Variants in ARHGAP42 observed in about 807,000 individuals in gnomAD.
ARHGAP42 encodes the protein rho GTPase-activating protein 42.
A neutral mutation model predicts 125.0 loss-of-function variants in ARHGAP42; 63 were observed. That is an observed-to-expected ratio of 0.50 (90% confidence interval 0.41 to 0.62). ARHGAP42 has a LOEUF of 0.62. Ranked by LOEUF, ARHGAP42 falls within the 20% of genes least tolerant of loss-of-function variation. The pLI is 0.00. For synonymous variants in ARHGAP42, 339 were observed against 351.0 expected, an observed-to-expected ratio of 0.97 and a Z score of 0.38; for missense variants, 766 against 1,024.2, an observed-to-expected ratio of 0.75 and a Z score of 3.44.
intron 3 of ARHGAP42, among the ~76,000 whole-genome samples, chr11:100,815,428 A>T (rs1864245807): frequency 6.6e-6 from 1 of 152,180 alleles, no homozygotes; most frequent in Admixed American, 6.5e-5. Flanking sequence ...AATTTTGGCC[A>T]TGTTAATCAC....
chr11:100,899,722 G>GTTTTGTTTTTTTTT (rs1414222333), intron 4 of ARHGAP42, among the ~76,000 whole-genome samples: 6 of 67,192 alleles, frequency 8.9e-5, no homozygotes, highest in Non-Finnish European at 1.4e-4. Flanking sequence ...TTTGTGTTTT[G>GTTTTGTTTTTTTTT]TTTTTTTTTT....
At chr11:100,811,213 C>T (rs1290010960) in intron 3 of ARHGAP42, among the ~76,000 whole-genome samples, 1 of 152,166 alleles carries the variant, frequency 6.6e-6, no homozygotes, top group Non-Finnish European at 1.5e-5. Context: ...ACCTCAGCCT[C>T]CCAAAGTGCT....
intron 1 of ARHGAP42, among the ~76,000 whole-genome samples, chr11:100,713,802 G>A (rs182860623): frequency 5.9e-5 from 9 of 152,168 alleles, no homozygotes; most frequent in Admixed American, 5.2e-4. Context: ...CTCTTATGTG[G>A]CCTGCTGTAT....
At chr11:100,788,512 A>G (rs1167005492) in intron 2 of ARHGAP42, among the ~76,000 whole-genome samples, 1 of 152,132 alleles carries the variant, frequency 6.6e-6, no homozygotes, top group Admixed American at 6.5e-5. Flanking sequence ...CTGTTGATTT[A>G]TTTAATAGGA....
intron 3 of ARHGAP42, among the ~76,000 whole-genome samples, chr11:100,820,303 A>G (rs61890790): frequency 0.019 from 2,895 of 152,222 alleles, 37 homozygotes; most frequent in Non-Finnish European, 0.031. Flanking sequence ...GTCTGAAGTC[A>G]CCATATAATG....
chr11:100,788,681 G>T (rs1021930952), intron 2 of ARHGAP42, among the ~76,000 whole-genome samples: 5 of 152,124 alleles, frequency 3.3e-5, no homozygotes, highest in African/African-American at 1.2e-4. Flanking sequence ...ATCAGTGAGG[G>T]TATTAATTGC....
rs941578702 is a variant in ARHGAP42, at chr11:100,927,727, T to C, written c.598-5429T>C. On this transcript the variant is annotated intron_variant, in intron 6 of 23. Transcript: ENST00000298815. ...GGAAAGTGTACCTCAGGCCTCTTCA[T>C]CTGAATTCCATCCTCTTGAATGCTT... Among the ~76,000 whole-genome samples, 7 of 152,342 alleles carry C rather than the reference T, an allele frequency of 4.6e-5. No homozygotes were observed. The East Asian group carries it at 1.4e-3, about 29-fold the overall frequency.
intron 23 of ARHGAP42, among the ~76,000 whole-genome samples, chr11:100,988,227 T>G (rs1858735303): frequency 6.6e-6 from 1 of 150,624 alleles, no homozygotes; most frequent in Non-Finnish European, 1.5e-5. Flanking sequence ...GACAGAGAGA[T>G]TGTTTTATTT....
intron 4 of ARHGAP42, among the ~76,000 whole-genome samples, chr11:100,898,602 C>A (rs1254030110): frequency 1.3e-5 from 2 of 151,940 alleles, no homozygotes; most frequent in Non-Finnish European, 2.9e-5. Flanking sequence ...TTATCCATTT[C>A]TTTTTGATTT....
At chr11:100,772,540 TA>T (rs1863007734) in intron 2 of ARHGAP42, among the ~76,000 whole-genome samples, 1 of 151,656 alleles carries the variant, frequency 6.6e-6, no homozygotes, top group African/African-American at 2.4e-5. Flanking sequence ...GAGGTATAGT[TA>T]AAGTGCCTCC....
intron 2 of ARHGAP42, among the ~76,000 whole-genome samples, chr11:100,780,226 A>C (rs1863273307): frequency 6.6e-6 from 1 of 152,018 alleles, no homozygotes; most frequent in Non-Finnish European, 1.5e-5. Context: ...AAGGTGGTAA[A>C]CCCCTTTTTT....
intron 1 of ARHGAP42, among the ~76,000 whole-genome samples, chr11:100,734,013 C>A (rs1486437137): frequency 1.4e-5 from 2 of 146,660 alleles, no homozygotes; most frequent in Non-Finnish European, 3.0e-5. Flanking sequence ...CGGCTCACTG[C>A]AACCACTGCC....
chr11:100,827,483 C>G (rs1176817988), intron 3 of ARHGAP42, among the ~76,000 whole-genome samples: 1 of 152,200 alleles, frequency 6.6e-6, no homozygotes, highest in Non-Finnish European at 1.5e-5. Flanking sequence ...GGCTGCATTC[C>G]TAACCCAAAG....
intron 4 of ARHGAP42, among the ~76,000 whole-genome samples, chr11:100,860,592 A>G (rs548153051): frequency 2.2e-4 from 34 of 152,072 alleles, no homozygotes; most frequent in East Asian, 9.7e-4. Flanking sequence ...TCTTTGCCCA[A>G]ACTTTTCCCT....
intron 1 of ARHGAP42, among the ~76,000 whole-genome samples, chr11:100,734,060 G>A (rs1313263192): frequency 6.1e-5 from 9 of 147,706 alleles, no homozygotes; most frequent in African/African-American, 7.5e-5. Context: ...TCAGCCTCCC[G>A]AGTAGCTGGG....
rs1406991381 is a variant in ARHGAP42 at position 100,976,198 on chromosome 11, C to G, written c.1997C>G (p.Ala666Gly). ...AAATCTGGAGGGATTCCTTGGATTG[C>G]AACCCCATCATCTTCCAATGGACAG... ...REKSGGIPWI[A>G]TPSSSNGQKS... is the part of the protein sequence containing the mutation. Residue 666 changes from alanine to glycine, a missense_variant, in exon 20 of 24, where the codon GCA becomes GGA. Ala to Gly is a moderately conservative substitution (Grantham distance 60, BLOSUM62 0). This residue lies in a region of ARHGAP42 where 308 missense variants were observed against 369.7 expected (regional missense o/e 0.83). Coordinates refer to ENST00000298815, the MANE Select transcript of ARHGAP42 (RefSeq NM_152432.4). 1 of 1,551,646 alleles carries G rather than the reference C, an allele frequency of 6.4e-7. No homozygotes were observed. The highest frequency in any genetic ancestry group is 8.7e-7 in the Non-Finnish European group (1 of 1,146,922).
At chr11:100,744,471 T>C (rs1862253602) in intron 1 of ARHGAP42, among the ~76,000 whole-genome samples, 2 of 152,172 alleles carry the variant, frequency 1.3e-5, no homozygotes, top group Non-Finnish European at 2.9e-5. Context: ...CAGTTATTTT[T>C]CTGGTTCCTT....
At chr11:100,696,361 TA>T (rs1861284390) in intron 1 of ARHGAP42, among the ~76,000 whole-genome samples, 1 of 152,206 alleles carries the variant, frequency 6.6e-6, no homozygotes, top group South Asian at 2.1e-4. Flanking sequence ...TTTATCTATT[TA>T]TTTTTTTTGA....
At chr11:100,969,542 A>AT in intron 17 of ARHGAP42, among the ~76,000 whole-genome samples, 1 of 150,762 alleles carries the variant, frequency 6.6e-6, no homozygotes, top group East Asian at 2.0e-4. Flanking sequence ...ATCTTTCTTT[A>AT]TTTTTTTCTT....
Sources: gnomAD v4.1 joint callset for allele counts (sites outside exome capture counted in the v4.1 genomes callset) on GRCh38, gnomAD v4.1.1 for gene constraint, gnomAD v4.1.1 regional missense constraint, MANE v1.5 for transcripts, NCBI Gene and HGNC (gene_info 2026-07-23, HGNC 2026-07-21) for gene names.